The following TDRD1 variants were observed in gnomAD, a reference collection of about 807,000 sequenced individuals.
TDRD1 encodes tudor domain containing 1, also known as tudor domain-containing protein 1.
TDRD1 carries 37 observed loss-of-function variants against 140.6 expected under a neutral mutation model. That is an observed-to-expected ratio of 0.26 (90% CI 0.20 to 0.35). The LOEUF (loss-of-function observed/expected upper bound fraction) is 0.35. TDRD1 is among the 10% of genes least tolerant of loss of function. The pLI, the probability that TDRD1 is intolerant of heterozygous loss-of-function variation, is 1.00. For synonymous variants in TDRD1, 506 were observed against 475.7 expected, an observed-to-expected ratio of 1.06 and a Z score of -0.83; for missense variants, 1,243 against 1,393.0, an observed-to-expected ratio of 0.89 and a Z score of 1.71.
chr10:114,210,978 A>C lies in TDRD1; in HGVS notation c.1660+11A>C. 1.3e-6 allele frequency: 2 copies of C among 1,563,558 alleles called. No homozygotes were observed. Among genetic ancestry groups the C allele is most frequent in the Non-Finnish European group, 1.7e-6 (2 of 1,154,300 alleles). On this transcript the variant is annotated intron_variant, in intron 13 of 25. Coordinates refer to ENST00000251864, the Ensembl canonical transcript of TDRD1. The stretch of plus-strand genomic sequence containing the variant: ...GTGCTCAGTTCTCAGGTAAGGACAG[A>C]GTATTACTGATTTTTAAAATTTATT...
chr10:114,222,529 A>G (rs1299304304), intron 20 of TDRD1, 58 bp from the exon 21 acceptor site: 2 of 928,376 alleles, frequency 2.2e-6, no homozygotes, highest in East Asian at 2.5e-5. Context: ...TCTTTTGTAT[A>G]GTGTTAATAG....
At position 114,204,227 on chromosome 10, in the gene TDRD1, T is replaced by C. The variant is rs770168226; in HGVS notation, c.1125+11T>C. ...TTGTTTCCTCCTTGTGTGAGTCTCT[T>C]TTACTTTCTAGATTTTTAATAGTGT... is the stretch of plus-strand genomic sequence containing the variant. On this transcript the variant is annotated intron_variant, in intron 9 of 25. Coordinates refer to ENST00000251864, the Ensembl canonical transcript of TDRD1. The C allele has an allele frequency of 6.3e-7, 1 of 1,574,846 alleles. No homozygotes were observed. Among genetic ancestry groups the C allele is most frequent in the South Asian group, 1.2e-5 (1 of 84,334 alleles).
chr10:114,178,344 C>T (rs1383995236), upstream of TDRD1, among the ~76,000 whole-genome samples: 1 of 152,174 alleles, frequency 6.6e-6, no homozygotes, highest in Non-Finnish European at 1.5e-5. Context: ...TGGGTCAGCA[C>T]ACTTTAAATA....
At chr10:114,218,266 T>A in intron 17 of TDRD1, 148 bp from the exon 18 acceptor site, 1 of 516,124 alleles carries the variant, frequency 1.9e-6, no homozygotes. Flanking sequence ...TAGAGATTTT[T>A]GAATTTTGAA....
exon 2 of TDRD1, chr10:114,187,888 T>C (rs1408662578): frequency 1.2e-6 from 2 of 1,609,430 alleles, no homozygotes; most frequent in South Asian, 1.1e-5. Flanking sequence ...AAGCACCTCC[T>C]TGTAAGATGA....
intron 23 of TDRD1, 138 bp downstream of exon 23, chr10:114,227,437 G>GA: frequency 1.4e-6 from 1 of 693,880 alleles, no homozygotes; most frequent in East Asian, 2.7e-5. Context: ...GCAGGGTTCT[G>GA]ATTCCTGTGG....
At chr10:114,211,646 A>G (rs2035491619) in intron 13 of TDRD1, among the ~76,000 whole-genome samples, 1 of 152,228 alleles carries the variant, frequency 6.6e-6, no homozygotes, top group Non-Finnish European at 1.5e-5. Context: ...CATGTAAACT[A>G]ATGATTACAG....
intron 21 of TDRD1, among the ~76,000 whole-genome samples, chr10:114,223,145 A>G (rs1038985080): frequency 6.6e-6 from 1 of 152,160 alleles, no homozygotes; most frequent in African/African-American, 2.4e-5. Flanking sequence ...TTCGTATGCT[A>G]ATATAAATAA....
chr10:114,190,052 C>G (rs1009027723), intron 2 of TDRD1, among the ~76,000 whole-genome samples: 4 of 152,134 alleles, frequency 2.6e-5, no homozygotes, highest in Non-Finnish European at 1.5e-5. Context: ...ATTAAGTATT[C>G]CTCCTCGTTG....
In TDRD1 at chr10:114,228,123, AAAGTT is replaced by A. The variant is rs764883743; in HGVS notation, c.3538+3_3538+7del. On this transcript the variant is annotated splice_donor_variant and splice_donor_region_variant and coding_sequence_variant and intron_variant, in exon 25 of 26. Transcript: ENST00000251864. LOFTEE classifies it high-confidence loss of function. ...TTTATTGAAATGAAAAAACTGTTAA[AAAGTT>A]AAGTAAGTTAAATCGTATGTTTTCG... 2 of 1,584,612 alleles carry A rather than the reference AAAGTT, an allele frequency of 1.3e-6. No homozygotes were observed. The highest frequency in any genetic ancestry group is 2.3e-5 in the East Asian group (1 of 44,194).
intron 11 of TDRD1, among the ~76,000 whole-genome samples, chr10:114,210,311 G>C (rs1001326622): frequency 6.6e-6 from 1 of 152,136 alleles, no homozygotes; most frequent in African/African-American, 2.4e-5. Context: ...TATAAAGAGT[G>C]TATTATAGAG....
chr10:114,184,041 A>T (rs2033316908), intron 1 of TDRD1, among the ~76,000 whole-genome samples: 1 of 152,070 alleles, frequency 6.6e-6, no homozygotes, highest in Non-Finnish European at 1.5e-5. Flanking sequence ...AACCCCATAG[A>T]TATATACTTA....
chr10:114,220,659 T>C, exon 19 of TDRD1: 1 of 1,613,760 alleles, frequency 6.2e-7, no homozygotes, highest in Non-Finnish European at 8.5e-7. Context: ...CCAGAGTGGT[T>C]GAAGTCACTG....
At chr10:114,231,784 T>G (rs2036770997) in exon 26 of TDRD1, 2 of 406,942 alleles carry the variant, frequency 4.9e-6, no homozygotes, top group Non-Finnish European at 8.6e-6. Context: ...ATGTAACTTT[T>G]TATTACTTAA....
rs377132503 is a variant in TDRD1 at position 114,181,182 on chromosome 10, T to C, written c.-7+1766T>C. ...TCAGTGATTCCTAATTCTGAGAAAA[T>C]GAGGTACTCTTTAACGTAGAGAAAT... On this transcript the variant is annotated intron_variant, in intron 1 of 25. Transcript: ENST00000251864. Among the ~76,000 whole-genome samples the C allele has an allele frequency of 4.6e-5, 7 of 152,332 alleles. No individual in the cohort carries two copies. The East Asian group carries it at 1.2e-3, about 25-fold the overall frequency.
intron 19 of TDRD1, 113 bp downstream of exon 19, chr10:114,220,956 C>T (rs1466562410): frequency 3.0e-6 from 2 of 665,364 alleles, no homozygotes; most frequent in Admixed American, 2.9e-5. Context: ...GCTTTACGGA[C>T]ATAGATTAGT....
chr10:114,210,447 C>CCTCT, intron 11 of TDRD1, 134 bp from the exon 12 acceptor site: 1 of 813,962 alleles, frequency 1.2e-6, no homozygotes, highest in South Asian at 2.4e-5. Context: ...AACACCATGA[C>CCTCT]CTCTCAGACT....
At chr10:114,220,049 CCA>C (rs1339743094) in intron 18 of TDRD1, among the ~76,000 whole-genome samples, 2 of 152,172 alleles carry the variant, frequency 1.3e-5, no homozygotes, top group Non-Finnish European at 2.9e-5. Context: ...GGGTAGGGCC[CCA>C]CAGTCTGTGT....
intron 2 of TDRD1, among the ~76,000 whole-genome samples, chr10:114,188,498 A>G (rs2033712588): frequency 6.6e-6 from 1 of 152,216 alleles, no homozygotes; most frequent in South Asian, 2.1e-4. Context: ...ATATATCGCA[A>G]AGATATAGCT....
Sources: gnomAD v4.1 joint callset for allele counts (sites outside exome capture counted in the v4.1 genomes callset) on GRCh38, gnomAD v4.1.1 for gene constraint, MANE v1.5 for transcripts, NCBI Gene and HGNC (gene_info 2026-07-23, HGNC 2026-07-21) for gene names.